Variants in ASTN1 observed in about 807,000 individuals in gnomAD.
The protein encoded by ASTN1 is astrotactin-1.
A neutral mutation model predicts 140.7 loss-of-function variants in ASTN1; 41 were observed. That is an observed-to-expected ratio of 0.29 (90% confidence interval 0.23 to 0.38). ASTN1 has a LOEUF of 0.38. Among genes scored for constraint, ASTN1 ranks in the 10% least tolerant of loss-of-function variants. The probability of loss-of-function intolerance (pLI) is 1.00; values close to 1 mark genes in which losing one functional copy is unlikely to be tolerated. For synonymous variants in ASTN1, 640 were observed against 652.2 expected (o/e 0.98, Z 0.29); for missense variants, 1,479 against 1,678.8 (o/e 0.88, Z 2.08).
intron 20 of ASTN1, among the ~76,000 whole-genome samples, chr1:176,880,324 T>C (rs57823956): frequency 0.025 from 3,778 of 152,238 alleles, 164 homozygotes; most frequent in African/African-American, 0.085. Context: ...TCTGATACTT[T>C]CCCACTTTCC....
chr1:176,866,503 T>C (rs1668130510), intron 22 of ASTN1, among the ~76,000 whole-genome samples: 2 of 152,100 alleles, frequency 1.3e-5, no homozygotes, highest in African/African-American at 2.4e-5. Context: ...GACAAGTTCA[T>C]GGGAGGTGAA....
chr1:177,125,826 T>C (rs1681616399), intron 1 of ASTN1, among the ~76,000 whole-genome samples: 1 of 152,208 alleles, frequency 6.6e-6, no homozygotes, highest in Non-Finnish European at 1.5e-5. Context: ...CTTCAACCAA[T>C]TTGTATTTTC....
At chr1:177,090,167 C>A (rs1271700728) in intron 1 of ASTN1, among the ~76,000 whole-genome samples, 1 of 151,666 alleles carries the variant, frequency 6.6e-6, no homozygotes, top group African/African-American at 2.4e-5. Flanking sequence ...GAGAGCCAAC[C>A]ACCACAATAT....
chr1:177,143,287 G>A (rs907856503), intron 1 of ASTN1, among the ~76,000 whole-genome samples: 2 of 152,176 alleles, frequency 1.3e-5, no homozygotes, highest in Admixed American at 6.5e-5. Flanking sequence ...TGTTGTCAAT[G>A]CCCAGTCTTT....
At chr1:177,061,751 T>C (rs997744145) in intron 1 of ASTN1, among the ~76,000 whole-genome samples, 1 of 152,240 alleles carries the variant, frequency 6.6e-6, no homozygotes, top group African/African-American at 2.4e-5. Context: ...GGGAGGTTAC[T>C]GCAGAGCAAC....
At chr1:177,066,056 T>G (rs1208882869) in intron 1 of ASTN1, among the ~76,000 whole-genome samples, 1 of 152,174 alleles carries the variant, frequency 6.6e-6, no homozygotes, top group Non-Finnish European at 1.5e-5. Flanking sequence ...AACTTTGACA[T>G]TCTATGATTC....
chr1:177,127,983 C>A (rs949119640), intron 1 of ASTN1, among the ~76,000 whole-genome samples: 2 of 150,674 alleles, frequency 1.3e-5, no homozygotes, highest in African/African-American at 4.8e-5. Context: ...GTGAAGCAAT[C>A]ATCAGGTTCT....
intron 17 of ASTN1, among the ~76,000 whole-genome samples, chr1:176,892,245 T>C (rs1342456417): frequency 6.6e-6 from 1 of 152,192 alleles, no homozygotes; most frequent in Non-Finnish European, 1.5e-5. Flanking sequence ...GATGCCAAAT[T>C]ATCTGAAGTT....
chr1:176,891,843 AC>A (rs1557939090), intron 17 of ASTN1, among the ~76,000 whole-genome samples: 1 of 152,118 alleles, frequency 6.6e-6, no homozygotes, highest in Admixed American at 6.6e-5. Context: ...CATACAAACA[AC>A]AACAATAAAA....
chr1:177,016,434 G>T (rs1288194395), intron 7 of ASTN1, among the ~76,000 whole-genome samples: 1 of 152,146 alleles, frequency 6.6e-6, no homozygotes, highest in Non-Finnish European at 1.5e-5. Flanking sequence ...GGCTTCAGTG[G>T]TACTGAGCTA....
chr1:176,910,610 TTAAG>T (rs1379946413), intron 16 of ASTN1, among the ~76,000 whole-genome samples: 4 of 152,192 alleles, frequency 2.6e-5, no homozygotes, highest in African/African-American at 9.7e-5. Flanking sequence ...AAATGCATCA[TTAAG>T]TGAGTTCATC....
At position 176,894,827 on chromosome 1, in the gene ASTN1, T is replaced by G; in HGVS notation, c.2675A>C (p.Asn892Thr). 1 of 1,613,402 alleles carries G rather than the reference T, an allele frequency of 6.2e-7. No homozygotes were observed. Among genetic ancestry groups the G allele is most frequent in the African/African-American group, 1.3e-5 (1 of 74,982 alleles). ...CTCCTCAGACTCATCTGATGGGGAGTTGCCTGCAGACACAAAATGGAAAGA... is the reference window on the plus strand; with the variant it reads ...CTCCTCAGACTCATCTGATGGGGAGGTGCCTGCAGACACAAAATGGAAAGA... ...WLEYEDISKG[N>T]SPSDESEERE... Residue 892 changes from asparagine to threonine, a missense_variant, in exon 17 of 23, where the codon AAC becomes ACC. By Grantham distance (65) the Asn-to-Thr change is moderately conservative. Coordinates refer to ENST00000361833, the MANE Select transcript of ASTN1 (RefSeq NM_004319.3).
chr1:177,087,727 C>G (rs1178104516), intron 1 of ASTN1, among the ~76,000 whole-genome samples: 1 of 152,192 alleles, frequency 6.6e-6, no homozygotes, highest in African/African-American at 2.4e-5. Context: ...TGAAGCTATT[C>G]AGAGAGCCCA....
chr1:177,111,181 T>C (rs1334286942), intron 1 of ASTN1, among the ~76,000 whole-genome samples: 1 of 152,222 alleles, frequency 6.6e-6, no homozygotes, highest in Admixed American at 6.5e-5. Flanking sequence ...CACTGAATTC[T>C]CACAACCATC....
intron 8 of ASTN1, among the ~76,000 whole-genome samples, chr1:176,979,892 G>T (rs1448677172): frequency 6.6e-6 from 1 of 152,134 alleles, no homozygotes; most frequent in African/African-American, 2.4e-5. Context: ...TTGCCAAATT[G>T]AGTCTAAACT....
At chr1:176,957,583 A>G in intron 11 of ASTN1, 95 bp downstream of exon 11, 1 of 1,468,216 alleles carries the variant, frequency 6.8e-7, no homozygotes, top group Non-Finnish European at 9.2e-7. Flanking sequence ...TGGGGATCAC[A>G]GCACATTTTT....
intron 5 of ASTN1, 145 bp from the exon 6 acceptor site, chr1:177,024,877 C>A (rs1676030434): frequency 4.6e-6 from 4 of 876,960 alleles, no homozygotes; most frequent in Middle Eastern, 2.7e-4. Context: ...GGCTGCATGA[C>A]CTCAGTGACC....
chr1:176,926,323 A>T (rs1374393592), intron 16 of ASTN1, among the ~76,000 whole-genome samples: 1 of 150,176 alleles, frequency 6.7e-6, no homozygotes, highest in African/African-American at 2.4e-5. Flanking sequence ...ATTTGGTAGT[A>T]GTATTCTTAG....
At chr1:176,940,426 C>G (rs1173873116) in intron 14 of ASTN1, among the ~76,000 whole-genome samples, 1 of 152,164 alleles carries the variant, frequency 6.6e-6, no homozygotes, top group Non-Finnish European at 1.5e-5. Flanking sequence ...TTCCCAGTTC[C>G]ACTTAAGTCC....
Sources: allele counts gnomAD v4.1 joint callset (sites outside exome capture counted in the v4.1 genomes callset), GRCh38; gene constraint gnomAD v4.1.1; transcripts MANE v1.5; gene names NCBI Gene and HGNC (gene_info 2026-07-23, HGNC 2026-07-21).